Variants in SLC9C2 observed in about 807,000 individuals in gnomAD.
SLC9C2 encodes the protein sodium/hydrogen exchanger 11.
Under a neutral mutation model 140.2 loss-of-function variants are expected in SLC9C2, and 75 were observed. That is an observed-to-expected ratio of 0.53 (90% CI 0.44 to 0.65). SLC9C2 has a LOEUF of 0.65. SLC9C2 is among the 30% of genes least tolerant of loss of function. The pLI is 0.00. For synonymous variants in SLC9C2, 375 were observed against 420.9 expected, an observed-to-expected ratio of 0.89 and a Z score of 1.34; for missense variants, 1,074 against 1,331.8, an observed-to-expected ratio of 0.81 and a Z score of 3.01.
At chr1:173,537,930 C>T (rs1336184402) in intron 13 of SLC9C2, among the ~76,000 whole-genome samples, 1 of 152,164 alleles carries the variant, frequency 6.6e-6, no homozygotes, top group East Asian at 1.9e-4. Flanking sequence ...ACTGACCATA[C>T]ACTTTGCCTA....
At chr1:173,559,280 C>T (rs1199593298) in intron 9 of SLC9C2, among the ~76,000 whole-genome samples, 2 of 152,172 alleles carry the variant, frequency 1.3e-5, no homozygotes, top group African/African-American at 4.8e-5. Flanking sequence ...CCAAGATGCT[C>T]CCCCTGCCCT....
chr1:173,525,548 T>C (rs1322528806), intron 19 of SLC9C2, among the ~76,000 whole-genome samples: 3 of 152,248 alleles, frequency 2.0e-5, no homozygotes, highest in African/African-American at 7.2e-5. Context: ...CAAATACACC[T>C]GGGCTAGAAA....
chr1:173,559,142 C>A (rs147242380), intron 9 of SLC9C2, among the ~76,000 whole-genome samples: 2 of 152,110 alleles, frequency 1.3e-5, no homozygotes, highest in African/African-American at 2.4e-5. Flanking sequence ...CGTGGCAGAA[C>A]GAAATGTTAA....
At chr1:173,589,408 A>C (rs192381587) in intron 4 of SLC9C2, among the ~76,000 whole-genome samples, 5 of 152,158 alleles carry the variant, frequency 3.3e-5, no homozygotes, top group Middle Eastern at 3.4e-3. Flanking sequence ...AAATAAGAAA[A>C]AATTAGCCAG....
chr1:173,576,779 C>T lies in SLC9C2; in HGVS notation c.803-19G>A. On this transcript the variant is annotated intron_variant, in intron 7 of 27. Transcript: ENST00000367714. The stretch of plus-strand genomic sequence containing the variant: ...AATTCCACTGGGGAGAAAAAAAAAA[C>T]AAATGAATCAAATGCAATGTATTCA... 7.3e-7 allele frequency: 1 copy of T among 1,363,580 alleles called. No homozygotes were observed. Among genetic ancestry groups the T allele is most frequent in the Non-Finnish European group, 1.0e-6 (1 of 969,952 alleles). The allele number at this position is 1,363,580 out of a possible 1,614,324, so 84.5% of individuals were successfully genotyped here.
At chr1:173,527,930 TA>T (rs568325391) in intron 18 of SLC9C2, among the ~76,000 whole-genome samples, 38 of 152,346 alleles carry the variant, frequency 2.5e-4, no homozygotes, top group African/African-American at 8.9e-4. Flanking sequence ...TCTTACTCGA[TA>T]ACATTGCATC....
rs113876973 is a variant in SLC9C2, at chr1:173,513,304, T to A, written c.2908-3605A>T. 2.1e-4 allele frequency among the ~76,000 whole-genome samples: 32 copies of A among 152,278 alleles called. 1 individual carries two copies. Among genetic ancestry groups the A allele is most frequent in the African/African-American group, 7.2e-4 (30 of 41,526 alleles). On this transcript the variant is annotated intron_variant, in intron 23 of 27. Coordinates refer to ENST00000367714, the MANE Select transcript of SLC9C2 (RefSeq NM_178527.4). ...AATCTATCTGGTCCTGGGCTTTTTTTGGTTGGCAGGCTATTAATTACTGCT... is the reference window on the plus strand; with the variant it reads ...AATCTATCTGGTCCTGGGCTTTTTTAGGTTGGCAGGCTATTAATTACTGCT...
chr1:173,546,822 T>C (rs1662883153), intron 13 of SLC9C2, among the ~76,000 whole-genome samples: 1 of 152,178 alleles, frequency 6.6e-6, no homozygotes. Flanking sequence ...GGAATTATTG[T>C]TCACTTTTAA....
At chr1:173,552,924 A>T (rs1663417278) in intron 11 of SLC9C2, among the ~76,000 whole-genome samples, 1 of 152,216 alleles carries the variant, frequency 6.6e-6, no homozygotes, top group African/African-American at 2.4e-5. Context: ...GGATGTAGGG[A>T]AAATCAATAA....
intron 11 of SLC9C2, among the ~76,000 whole-genome samples, chr1:173,554,230 T>C (rs1180040455): frequency 1.3e-5 from 2 of 152,210 alleles, no homozygotes; most frequent in African/African-American, 4.8e-5. Context: ...TGCCCATGTG[T>C]GTCCATGTGA....
chr1:173,582,185 A>T (rs1665582520), intron 6 of SLC9C2, among the ~76,000 whole-genome samples, 177 bp from the exon 7 acceptor site: 1 of 152,220 alleles, frequency 6.6e-6, no homozygotes, highest in Non-Finnish European at 1.5e-5. Flanking sequence ...CTCTCTCAGA[A>T]TAACCTTCCC....
At chr1:173,592,857 G>T (rs1022683886) in intron 4 of SLC9C2, among the ~76,000 whole-genome samples, 1 of 152,104 alleles carries the variant, frequency 6.6e-6, no homozygotes, top group African/African-American at 2.4e-5. Context: ...CAAAGGAAAC[G>T]CCATCAGGCT....
chr1:173,587,423 T>A (rs529652020), intron 5 of SLC9C2, among the ~76,000 whole-genome samples: 29 of 152,218 alleles, frequency 1.9e-4, no homozygotes, highest in African/African-American at 6.7e-4. Flanking sequence ...TACTTTTTCT[T>A]TGAAAAAAAA....
rs71111066 is a variant in SLC9C2 at position 173,511,029 on chromosome 1, C to CTTTTTTTTTTTT, written c.2908-1342_2908-1331dup. Reference sequence around the variant, plus strand: ...CCTGGATTTTTTTTCCTTTCTTTTCCTTTTTTTTTTTTTTTTTTTTTTTTG... The same window carrying CTTTTTTTTTTTT: ...CCTGGATTTTTTTTCCTTTCTTTTCCTTTTTTTTTTTTTTTTTTTTTTTTTTTTTTTTTTTTG... On this transcript the variant is annotated intron_variant, in intron 23 of 27. Coordinates refer to ENST00000367714, the MANE Select transcript of SLC9C2 (RefSeq NM_178527.4). Among the ~76,000 whole-genome samples the CTTTTTTTTTTTT allele has an allele frequency of 1.5e-3, 126 of 86,740 alleles. 11 individuals carry two copies. The highest frequency in any genetic ancestry group is 5.7e-3 in the African/African-American group (104 of 18,318). The allele number at this position is 86,740 out of a possible 152,430, so 56.9% of individuals were successfully genotyped here.
Position 173,529,896 on chromosome 1 carries a change from G to C in SLC9C2, c.2313+9C>G. ...TTTTCTCCCCAAATGACCAGTGCTTGTTTCTCACCTGATATATTGATTCAC... is the reference window on the plus strand; with the variant it reads ...TTTTCTCCCCAAATGACCAGTGCTTCTTTCTCACCTGATATATTGATTCAC... On this transcript the variant is annotated intron_variant, in intron 18 of 27. Transcript: ENST00000367714. The C allele has an allele frequency of 6.2e-7, 1 of 1,603,096 alleles. No individual in the cohort carries two copies. The highest frequency in any genetic ancestry group is 8.5e-7 in the Non-Finnish European group (1 of 1,177,314).
intron 19 of SLC9C2, among the ~76,000 whole-genome samples, 194 bp downstream of exon 19, chr1:173,526,469 A>G (rs1396778913): frequency 6.6e-6 from 1 of 152,162 alleles, no homozygotes; most frequent in African/African-American, 2.4e-5. Context: ...ACTCCACAAG[A>G]TTCTGCACTG....
intron 11 of SLC9C2, 82 bp downstream of exon 11, chr1:173,554,651 G>A: frequency 1.2e-6 from 1 of 831,304 alleles, no homozygotes; most frequent in South Asian, 1.6e-5. Context: ...TGAGCTTCAT[G>A]AGAAATGTCC....
chr1:173,546,713 G>A (rs1189820657), intron 13 of SLC9C2, among the ~76,000 whole-genome samples: 1 of 152,086 alleles, frequency 6.6e-6, no homozygotes, highest in Admixed American at 6.6e-5. Context: ...GGACTTTACT[G>A]GAGTTCAATT....
At chr1:173,527,047 G>A (rs1002405441) in intron 18 of SLC9C2, among the ~76,000 whole-genome samples, 29 of 152,062 alleles carry the variant, frequency 1.9e-4, no homozygotes, top group African/African-American at 6.5e-4. Context: ...GTTTCTCCAT[G>A]TTGGCTAGGC....
Sources: allele counts gnomAD v4.1 joint callset (sites outside exome capture counted in the v4.1 genomes callset), GRCh38; gene constraint gnomAD v4.1.1; transcripts MANE v1.5; gene names NCBI Gene and HGNC (gene_info 2026-07-23, HGNC 2026-07-21).